The following PPWD1 variants were observed in gnomAD, a reference collection of about 807,000 sequenced individuals.
PPWD1 encodes peptidylprolyl isomerase domain and WD repeat-containing protein 1.
Under a neutral mutation model 68.8 loss-of-function variants are expected in PPWD1, and 43 were observed. That is an observed-to-expected ratio of 0.62 (90% CI 0.49 to 0.81). The LOEUF is 0.81. Ranked by LOEUF, PPWD1 falls within the 30% of genes least tolerant of loss-of-function variation. The pLI, the probability that PPWD1 is intolerant of heterozygous loss-of-function variation, is 0.00. For missense variants in PPWD1, 672 were observed against 804.8 expected (o/e 0.83, Z 2.00); for synonymous variants, 232 against 258.7 (o/e 0.90, Z 0.99).
In PPWD1 at chr5:65,577,081, T is replaced by C; in HGVS notation, c.1160+12T>C. The C allele has an allele frequency of 6.2e-7, 1 of 1,602,788 alleles. No individual in the cohort carries two copies. The highest frequency in any genetic ancestry group is 8.5e-7 in the Non-Finnish European group (1 of 1,172,198). On this transcript the variant is annotated intron_variant, in intron 6 of 10. Transcript: ENST00000261308. ...GTAGAGACAAACCGGTAAGCTTTAA[T>C]ATGAGGTATGTTTTTTAAAAATGTG...
intron 7 of PPWD1, among the ~76,000 whole-genome samples, chr5:65,581,796 C>G (rs995065221): frequency 2.3e-4 from 35 of 152,026 alleles, no homozygotes; most frequent in Admixed American, 1.2e-3. Flanking sequence ...AACATTGTTA[C>G]GAATTTTCTT....
chr5:65,571,469 A>G lies in PPWD1; in HGVS notation c.522-370A>G, dbSNP rs1035529584. On this transcript the variant is annotated intron_variant, in intron 4 of 10. Transcript: ENST00000261308. ...AAAATACACTATTACATGCTAATCT[A>G]TTTTAAAGTAAGTTATACATAGACT... 7.9e-5 allele frequency among the ~76,000 whole-genome samples: 12 copies of G among 152,304 alleles called. No individual in the cohort carries two copies. In the East Asian group the frequency reaches 2.3e-3, roughly 29 times the overall value.
chr5:65,579,589 A>G lies in PPWD1; in HGVS notation c.1326A>G (p.Ser442=), dbSNP rs762638542. ...CTGACCCAACAATAGTCTGTACATC[A>G]TTCAAAAAGAATAGATTTTATATGG... ...IQADPTIVCT[S]FKKNRFYMFT... is the part of the protein sequence containing the mutation. The change falls in exon 7 of 11, where the codon TCA becomes TCG. Residue 442 remains serine (S), a synonymous_variant. Coordinates refer to ENST00000261308, the MANE Select transcript of PPWD1 (RefSeq NM_015342.4). The G allele has an allele frequency of 6.3e-7, 1 of 1,578,646 alleles. No individual in the cohort carries two copies. Among genetic ancestry groups the G allele is most frequent in the Non-Finnish European group, 8.6e-7 (1 of 1,166,890 alleles).
chr5:65,574,709 C>T (rs943364898), intron 5 of PPWD1, among the ~76,000 whole-genome samples: 3 of 151,856 alleles, frequency 2.0e-5, no homozygotes, highest in Non-Finnish European at 2.9e-5. Context: ...ATGATCCACC[C>T]GCCTCGGCCT....
At chr5:65,569,853 G>A in intron 3 of PPWD1, 25 bp from the exon 4 acceptor site, 1 of 1,580,690 alleles carries the variant, frequency 6.3e-7, no homozygotes, top group South Asian at 1.2e-5. Context: ...TTACTAGAAT[G>A]TTTTAATTTC....
intron 5 of PPWD1, chr5:65,576,309 T>C: frequency 1.0e-6 from 1 of 984,406 alleles, no homozygotes; most frequent in Non-Finnish European, 1.2e-6. Flanking sequence ...GAGAAAGCAG[T>C]AGTTCTATTA....
At position 65,586,025 on chromosome 5, in the gene PPWD1, A is replaced by C. The variant is rs779419109; in HGVS notation, c.1641A>C (p.Pro547=). The C allele has an allele frequency of 5.0e-6, 8 of 1,613,452 alleles. No homozygotes were observed. The East Asian group carries it at 1.8e-4, about 36-fold the overall frequency. Residue 547 remains proline (P), a synonymous_variant, in exon 10 of 11, where the codon CCA becomes CCC. Coordinates refer to ENST00000261308, the MANE Select transcript of PPWD1 (RefSeq NM_015342.4). ...GCTTTATGATTCAGACTGGAGATCC[A>C]ACAGGTACTGGTATGGGAGGAGAAA... ...IKGFMIQTGD[P]TGTGMGGESI... is the part of the protein sequence containing the mutation.
chr5:65,578,804 A>G lies in PPWD1; in HGVS notation c.1161-620A>G, dbSNP rs578127501. ...TATGTGTATATATATATACATATAT[A>G]TGTGTATATATATACTTTTTTTTAA... On this transcript the variant is annotated intron_variant, in intron 6 of 10. Coordinates refer to ENST00000261308, the MANE Select transcript of PPWD1 (RefSeq NM_015342.4). Among the ~76,000 whole-genome samples, 1,099 of 146,486 alleles carry G rather than the reference A, an allele frequency of 7.5e-3. 17 individuals carry two copies. Among genetic ancestry groups the G allele is most frequent in the African/African-American group, 0.025 (1,002 of 40,110 alleles).
At position 65,569,826 on chromosome 5, in the gene PPWD1, A is replaced by G. The variant is rs1752939391; in HGVS notation, c.401-52A>G. 4.5e-6 allele frequency: 7 copies of G among 1,566,638 alleles called. No individual in the cohort carries two copies. In the Admixed American group the frequency reaches 1.1e-4, roughly 24 times the overall value. ...AATTTTTTTTCTTTGAATCATGCACACTTATTTTACTGTTATTTACTAGAA... is the reference window on the plus strand; with the variant it reads ...AATTTTTTTTCTTTGAATCATGCACGCTTATTTTACTGTTATTTACTAGAA... On this transcript the variant is annotated intron_variant, in intron 3 of 10. Coordinates refer to ENST00000261308, the MANE Select transcript of PPWD1 (RefSeq NM_015342.4).
rs752851008 is a variant in PPWD1 at position 65,583,075 on chromosome 5, A to G, written c.1388A>G (p.Asp463Gly). The G allele has an allele frequency of 6.2e-7, 1 of 1,609,802 alleles. No homozygotes were observed. The highest frequency in any genetic ancestry group is 8.5e-7 in the Non-Finnish European group (1 of 1,178,504). Residue 463 changes from aspartate (D) to glycine (G), a missense_variant, in exon 8 of 11, where the codon GAT (aspartate) becomes GGT (glycine). Coordinates refer to ENST00000261308, the MANE Select transcript of PPWD1 (RefSeq NM_015342.4). ...KREPEDTKSA[D>G]SDRDVFNEKP... The stretch of plus-strand genomic sequence containing the variant: ...GAACCAGAAGATACGAAAAGTGCAG[A>G]TTCTGATCGAGATGTTTTTAATGAG...
In PPWD1 at chr5:65,563,412, A is replaced by G; in HGVS notation, c.102A>G (p.Val34=). 6.2e-7 allele frequency: 1 copy of G among 1,614,210 alleles called. No individual in the cohort carries two copies. The highest frequency in any genetic ancestry group is 1.3e-5 in the African/African-American group (1 of 75,050). The change falls in exon 1 of 11, where the codon GTA becomes GTG. Residue 34 remains valine, a synonymous_variant. Transcript: ENST00000261308. The part of the protein sequence containing the change: ...KTELSERELA[V]AVAVSQENDE... Reference sequence around the variant, plus strand: ...AACTCAGCGAAAGAGAGCTGGCAGTAGCAGTGGCGGTGTCCCAGGAGAACG... The same window carrying G: ...AACTCAGCGAAAGAGAGCTGGCAGTGGCAGTGGCGGTGTCCCAGGAGAACG...
Position 65,579,435 on chromosome 5 carries a change from T to C in PPWD1, c.1172T>C (p.Ile391Thr). ...INVETNRCVR[I>T]LGKQENIRVM... ...TGTTATATTTTTAGGTGTGTGCGGATTTTAGGCAAACAAGAAAATATTAGA... is the reference window on the plus strand; with the variant it reads ...TGTTATATTTTTAGGTGTGTGCGGACTTTAGGCAAACAAGAAAATATTAGA... The change falls in exon 7 of 11, where the codon ATT becomes ACT. Residue 391 changes from isoleucine to threonine, a missense_variant. Ile to Thr is a moderately conservative substitution (Grantham distance 89). This residue lies in a region of PPWD1 where 484 missense variants were observed against 646.2 expected (regional missense o/e 0.75). Coordinates refer to ENST00000261308, the MANE Select transcript of PPWD1 (RefSeq NM_015342.4). The C allele has an allele frequency of 6.5e-7, 1 of 1,547,272 alleles. No homozygotes were observed. Among genetic ancestry groups the C allele is most frequent in the South Asian group, 1.2e-5 (1 of 80,346 alleles).
At chr5:65,564,478 G>A (rs569732647) in intron 1 of PPWD1, among the ~76,000 whole-genome samples, 1 of 152,134 alleles carries the variant, frequency 6.6e-6, no homozygotes, top group South Asian at 2.1e-4. Context: ...ACAGGCGCAC[G>A]CCCAGCTAAT....
rs752579850 is a variant in PPWD1 at position 65,572,042 on chromosome 5, A to T, written c.725A>T (p.Asp242Val). Residue 242 changes from aspartate to valine, a missense_variant, in exon 5 of 11, where the codon GAC becomes GTC. Asp to Val is a radical substitution (Grantham distance 152, BLOSUM62 -3). This residue lies in a region of PPWD1 where 484 missense variants were observed against 646.2 expected (regional missense o/e 0.75). Transcript: ENST00000261308. ...GTTTACAAAGCAGTAGTGTCTTCTGACAAATCTGGGATGATTGAATACTGG... is the reference window on the plus strand; with the variant it reads ...GTTTACAAAGCAGTAGTGTCTTCTGTCAAATCTGGGATGATTGAATACTGG... ...NPVYKAVVSS[D>V]KSGMIEYWTG... 3 of 1,614,084 alleles carry T rather than the reference A, an allele frequency of 1.9e-6. No homozygotes were observed. The highest frequency in any genetic ancestry group is 2.5e-6 in the Non-Finnish European group (3 of 1,179,924).
In PPWD1 at chr5:65,571,901, C is replaced by T. The variant is rs1191669492; in HGVS notation, c.584C>T (p.Ala195Val). 1.2e-6 allele frequency: 2 copies of T among 1,613,886 alleles called. No individual in the cohort carries two copies. The highest frequency in any genetic ancestry group is 1.3e-5 in the African/African-American group (1 of 74,896). Residue 195 changes from alanine to valine, a missense_variant, in exon 5 of 11, where the codon GCT becomes GTT. Transcript: ENST00000261308. ...GGGGATGCAATTTCTTCAGTTGCTG[C>T]TTCCGAAAAGAGTACAGGAAAAATT... ...CPGDAISSVA[A>V]SEKSTGKIFI...
At chr5:65,587,158 G>A (rs1488227787) in intron 10 of PPWD1, 95 bp from the exon 11 acceptor site, 11 of 1,314,062 alleles carry the variant, frequency 8.4e-6, no homozygotes, top group African/African-American at 3.0e-5. Flanking sequence ...CTAAAGGGGA[G>A]CGTAAACTTA....
At position 65,583,047 on chromosome 5, in the gene PPWD1, C is replaced by A; in HGVS notation, c.1360C>A (p.Arg454=). The part of the protein sequence containing the change: ...KKNRFYMFTK[R]EPEDTKSADS... ...TACTTTCCTCCTTGAGTTTACCAAA[C>A]GAGAACCAGAAGATACGAAAAGTGC... Residue 454 remains arginine, a synonymous_variant, in exon 8 of 11, where the codon CGA becomes AGA. Coordinates refer to ENST00000261308, the MANE Select transcript of PPWD1 (RefSeq NM_015342.4). The A allele has an allele frequency of 1.3e-6, 2 of 1,572,504 alleles. No homozygotes were observed. The highest frequency in any genetic ancestry group is 1.7e-6 in the Non-Finnish European group (2 of 1,159,294).
intron 5 of PPWD1, among the ~76,000 whole-genome samples, chr5:65,575,344 A>G (rs1753232142): frequency 1.3e-5 from 2 of 152,236 alleles, no homozygotes; most frequent in South Asian, 4.1e-4. Context: ...ATGAATAAGC[A>G]GCGTAATATG....
chr5:65,586,789 GAAGAAA>G (rs1473231685), intron 10 of PPWD1, among the ~76,000 whole-genome samples: 1 of 152,130 alleles, frequency 6.6e-6, no homozygotes, highest in African/African-American at 2.4e-5. Context: ...AATAATAGAT[GAAGAAA>G]CAGTGAGACA....
Sources: gnomAD v4.1 joint callset for allele counts (sites outside exome capture counted in the v4.1 genomes callset) on GRCh38, gnomAD v4.1.1 for gene constraint, gnomAD v4.1.1 regional missense constraint, MANE v1.5 for transcripts, NCBI Gene and HGNC (gene_info 2026-07-23, HGNC 2026-07-21) for gene names.